ASIC2: variants seen among roughly 807,000 people sequenced by gnomAD.
The protein encoded by ASIC2 is acid sensing ion channel subunit 2.
In ASIC2, 25 loss-of-function variants were observed where a neutral mutation model predicts 57.3. The observed-to-expected ratio is 0.44, with a 90% CI of 0.32 to 0.61. ASIC2 has a LOEUF of 0.61. ASIC2 is among the 20% of genes least tolerant of loss of function. ASIC2 has a pLI of 0.06. For missense variants in ASIC2, 641 were observed against 738.1 expected (o/e 0.87, Z 1.52); for synonymous variants, 319 against 307.5 (o/e 1.04, Z -0.39).
At chr17:33,974,605 T>TATCCATCCATCCATCC (rs55947544) in intron 1 of ASIC2, among the ~76,000 whole-genome samples, 51 of 145,436 alleles carry the variant, frequency 3.5e-4, no homozygotes, top group African/African-American at 9.5e-4. Context: ...GGAACCTATC[T>TATCCATCCATCCATCC]ATCCATCCAT....
At chr17:33,954,404 A>C (rs757498907) in intron 1 of ASIC2, among the ~76,000 whole-genome samples, 4 of 152,166 alleles carry the variant, frequency 2.6e-5, no homozygotes, top group Non-Finnish European at 4.4e-5. Flanking sequence ...TCACTGCTCC[A>C]TGGCAGCCAA....
At chr17:33,953,162 G>C (rs539367267) in intron 1 of ASIC2, among the ~76,000 whole-genome samples, 122 of 152,182 alleles carry the variant, frequency 8.0e-4, no homozygotes, top group Middle Eastern at 3.4e-3. Context: ...TGTGTTAAGA[G>C]TAATTACCAC....
intron 1 of ASIC2, among the ~76,000 whole-genome samples, chr17:33,757,530 G>C (rs1910644497): frequency 6.6e-6 from 1 of 152,124 alleles, no homozygotes; most frequent in African/African-American, 2.4e-5. Context: ...AAATTCACAA[G>C]ATCTTTGGAC....
chr17:33,447,321 G>T (rs1246648021), intron 1 of ASIC2, among the ~76,000 whole-genome samples: 3 of 152,308 alleles, frequency 2.0e-5, no homozygotes, highest in Admixed American at 6.5e-5. Context: ...TGTGTCCCAG[G>T]TGACCTGCCT....
chr17:33,179,151 A>C (rs1228850477), intron 1 of ASIC2, among the ~76,000 whole-genome samples: 8 of 152,224 alleles, frequency 5.3e-5, no homozygotes, highest in African/African-American at 1.9e-4. Context: ...CCTCTTCTTT[A>C]GGCTCAAACA....
chr17:33,140,667 C>G (rs566280199), intron 1 of ASIC2, among the ~76,000 whole-genome samples: 1 of 152,318 alleles, frequency 6.6e-6, no homozygotes, highest in African/African-American at 2.4e-5. Flanking sequence ...CTGAAACCCA[C>G]AGGGGACCTG....
intron 1 of ASIC2, among the ~76,000 whole-genome samples, chr17:33,302,159 G>A (rs965791242): frequency 2.0e-5 from 3 of 152,132 alleles, no homozygotes; most frequent in Non-Finnish European, 4.4e-5. Flanking sequence ...TTGCAGCATT[G>A]GCTGTGGTCA....
intron 1 of ASIC2, among the ~76,000 whole-genome samples, chr17:33,778,069 C>T (rs1911338084): frequency 6.6e-6 from 1 of 152,152 alleles, no homozygotes; most frequent in Admixed American, 6.5e-5. Flanking sequence ...TCCTCAATGT[C>T]CCCTTGGTAT....
At chr17:33,339,328 T>C (rs1018290442) in intron 1 of ASIC2, among the ~76,000 whole-genome samples, 2 of 152,138 alleles carry the variant, frequency 1.3e-5, no homozygotes, top group Non-Finnish European at 2.9e-5. Flanking sequence ...CACGTAGATA[T>C]TTTTGGCTTT....
chr17:34,042,546 CAGTGGT>C (rs1235787277), intron 1 of ASIC2, among the ~76,000 whole-genome samples: 2 of 151,572 alleles, frequency 1.3e-5, no homozygotes, highest in African/African-American at 4.9e-5. Flanking sequence ...AGGCTGGAGA[CAGTGGT>C]AAGGTGTGGG....
chr17:33,067,496 G>A (rs1176185940), intron 3 of ASIC2, among the ~76,000 whole-genome samples: 1 of 152,176 alleles, frequency 6.6e-6, no homozygotes, highest in Non-Finnish European at 1.5e-5. Context: ...GAATCTGCAG[G>A]GCACACTGAG....
intron 3 of ASIC2, among the ~76,000 whole-genome samples, chr17:33,044,652 C>T (rs746148286): frequency 8.5e-5 from 13 of 152,334 alleles, no homozygotes; most frequent in African/African-American, 1.7e-4. Context: ...TGAGCCACCA[C>T]GCCTGGCCCC....
intron 1 of ASIC2, among the ~76,000 whole-genome samples, chr17:33,755,286 C>T (rs894871738): frequency 2.6e-5 from 4 of 152,194 alleles, no homozygotes; most frequent in Admixed American, 6.5e-5. Context: ...GTGTGGAGCA[C>T]GACCCTGCTG....
chr17:33,593,468 T>C (rs1244424760), intron 1 of ASIC2, among the ~76,000 whole-genome samples: 1 of 152,216 alleles, frequency 6.6e-6, no homozygotes, highest in Non-Finnish European at 1.5e-5. Flanking sequence ...TCAGGATCTA[T>C]TTAAAAGGTT....
chr17:33,531,995 C>T (rs181295359), intron 1 of ASIC2, among the ~76,000 whole-genome samples: 1 of 152,044 alleles, frequency 6.6e-6, no homozygotes, highest in African/African-American at 2.4e-5. Context: ...AAGGGTTGAG[C>T]GATCATACTG....
intron 1 of ASIC2, among the ~76,000 whole-genome samples, chr17:34,026,604 TC>T (rs2142033360): frequency 6.6e-6 from 1 of 152,338 alleles, no homozygotes; most frequent in South Asian, 2.1e-4. Flanking sequence ...TCATTGTTCC[TC>T]ATTGTGCTGT....
chr17:33,041,387 C>G (rs56031845), intron 3 of ASIC2, among the ~76,000 whole-genome samples: 63,917 of 152,024 alleles, frequency 0.42, 13,655 homozygotes, highest in Admixed American at 0.56. Flanking sequence ...TGGCTGGTCT[C>G]TTTGCCTGTC....
At chr17:33,343,895 G>C (rs1041527766) in intron 1 of ASIC2, among the ~76,000 whole-genome samples, 1 of 152,198 alleles carries the variant, frequency 6.6e-6, no homozygotes, top group Non-Finnish European at 1.5e-5. Flanking sequence ...CTGTGCCTTT[G>C]CCCAGACTTT....
At chr17:33,123,976 A>G (rs1272495924) in intron 1 of ASIC2, among the ~76,000 whole-genome samples, 1 of 152,238 alleles carries the variant, frequency 6.6e-6, no homozygotes, top group Non-Finnish European at 1.5e-5. Context: ...ACCAAATGAT[A>G]GTTTATGATG....
Sources: allele counts gnomAD v4.1 joint callset (sites outside exome capture counted in the v4.1 genomes callset), GRCh38; gene constraint gnomAD v4.1.1; transcripts MANE v1.5; gene names NCBI Gene and HGNC (gene_info 2026-07-23, HGNC 2026-07-21).